The following TSNARE1 variants were observed in gnomAD, a reference collection of about 807,000 sequenced individuals.
TSNARE1 encodes t-SNARE domain-containing protein 1.
A neutral mutation model predicts 62.0 loss-of-function variants in TSNARE1; 49 were observed. The ratio of observed to expected loss-of-function variants is 0.79; its 90% CI spans 0.63 to 1.00. The LOEUF is 1.00. Ranked by LOEUF, TSNARE1 falls within the 50% of genes least tolerant of loss-of-function variation. The pLI, the probability that TSNARE1 is intolerant of heterozygous loss-of-function variation, is 0.00. For synonymous variants in TSNARE1, 328 were observed against 294.4 expected (o/e 1.11, Z -1.17); for missense variants, 755 against 700.1 (o/e 1.08, Z -0.88).
chr8:142,348,794 A>G (rs1833719376), intron 2 of TSNARE1, among the ~76,000 whole-genome samples: 1 of 151,976 alleles, frequency 6.6e-6, no homozygotes, highest in Non-Finnish European at 1.5e-5. Context: ...GTGTGCATGG[A>G]GCTCTGGGGA....
At chr8:142,278,014 C>T (rs1353577529) in intron 11 of TSNARE1, 6 of 985,272 alleles carry the variant, frequency 6.1e-6, no homozygotes, top group Non-Finnish European at 6.0e-6. Flanking sequence ...CTTCAGGAGA[C>T]AATGTGGCCT....
At chr8:142,340,463 GC>G (rs1832428246) in intron 4 of TSNARE1, among the ~76,000 whole-genome samples, 1 of 152,226 alleles carries the variant, frequency 6.6e-6, no homozygotes, top group Non-Finnish European at 1.5e-5. Flanking sequence ...ACTGCCTAGG[GC>G]CAGGGCTCCC....
intron 9 of TSNARE1, among the ~76,000 whole-genome samples, chr8:142,313,412 G>GTC (rs141713769): frequency 0.21 from 31,234 of 149,184 alleles, 3,882 homozygotes; most frequent in African/African-American, 0.35. Context: ...GTGTTTATGT[G>GTC]TCTGTGTGTT....
chr8:142,280,587 CCCT>C (rs1442631106), intron 11 of TSNARE1, among the ~76,000 whole-genome samples: 1 of 152,182 alleles, frequency 6.6e-6, no homozygotes, highest in Non-Finnish European at 1.5e-5. Context: ...TGGTTTGTCC[CCCT>C]CCCCACGACT....
At chr8:142,237,159 C>T (rs537510132) in intron 12 of TSNARE1, among the ~76,000 whole-genome samples, 2 of 152,022 alleles carry the variant, frequency 1.3e-5, no homozygotes, top group East Asian at 1.9e-4. Context: ...TCCCCTCCTG[C>T]GGCCCGACTC....
chr8:142,272,962 C>T, intron 12 of TSNARE1: 7 of 985,450 alleles, frequency 7.1e-6, no homozygotes, highest in Non-Finnish European at 8.4e-6. Context: ...TCATCCCTCC[C>T]TGATACTCCC....
At chr8:142,268,709 C>T (rs2130455225) in intron 12 of TSNARE1, among the ~76,000 whole-genome samples, 2 of 152,340 alleles carry the variant, frequency 1.3e-5, no homozygotes, top group Middle Eastern at 6.8e-3. Flanking sequence ...CAGAGATCTC[C>T]TTCAAGGGAG....
intron 9 of TSNARE1, among the ~76,000 whole-genome samples, chr8:142,312,011 A>G (rs1827694805): frequency 6.6e-6 from 1 of 152,214 alleles, no homozygotes; most frequent in Admixed American, 6.5e-5. Flanking sequence ...CCTCATCCAG[A>G]ATGCTTGGGA....
At chr8:142,353,972 T>C (rs947501704) in intron 2 of TSNARE1, among the ~76,000 whole-genome samples, 3 of 152,024 alleles carry the variant, frequency 2.0e-5, no homozygotes, top group Non-Finnish European at 2.9e-5. Flanking sequence ...ACAACCCTCA[T>C]GGCGGCTGCC....
chr8:142,405,072 G>A (rs1490653254), upstream of TSNARE1: 1 of 152,264 alleles, frequency 6.6e-6, no homozygotes, highest in Non-Finnish European at 1.5e-5. Flanking sequence ...TCCGAAATCT[G>A]GGATGAGCCC....
intron 13 of TSNARE1, among the ~76,000 whole-genome samples, chr8:142,227,141 C>T (rs922125132): frequency 6.7e-6 from 1 of 148,660 alleles, no homozygotes; most frequent in Non-Finnish European, 1.5e-5. Flanking sequence ...ACTGCACCCA[C>T]ACCCCAGTGA....
intron 12 of TSNARE1, among the ~76,000 whole-genome samples, chr8:142,255,305 C>T (rs1435328214): frequency 6.6e-6 from 1 of 151,326 alleles, no homozygotes; most frequent in Non-Finnish European, 1.5e-5. Context: ...CCACCACCAT[C>T]CCTACCAGAC....
chr8:142,381,515 C>G (rs1836747159), intron 1 of TSNARE1, among the ~76,000 whole-genome samples: 1 of 152,104 alleles, frequency 6.6e-6, no homozygotes, highest in East Asian at 1.9e-4. Flanking sequence ...AGGGTGGGCT[C>G]AGGGACGGTG....
chr8:142,318,137 G>A (rs535664904), intron 7 of TSNARE1, among the ~76,000 whole-genome samples: 14 of 152,316 alleles, frequency 9.2e-5, no homozygotes, highest in African/African-American at 3.1e-4. Flanking sequence ...GGGATAGGGA[G>A]GGTGCACGTG....
intron 13 of TSNARE1, among the ~76,000 whole-genome samples, chr8:142,222,683 TCCACTCAC>T (rs1816417539): frequency 3.9e-5 from 1 of 25,936 alleles, no homozygotes; most frequent in Non-Finnish European, 7.2e-5. Context: ...CATCCACTCA[TCCACTCAC>T]TCACTCATCC....
At chr8:142,395,646 C>T (rs1006497894) in intron 1 of TSNARE1, among the ~76,000 whole-genome samples, 6 of 152,208 alleles carry the variant, frequency 3.9e-5, no homozygotes, top group African/African-American at 9.7e-5. Flanking sequence ...CTGTGACCGG[C>T]GAAAACGCCC....
chr8:142,231,062 C>G (rs1298527960), intron 12 of TSNARE1, among the ~76,000 whole-genome samples: 1 of 152,178 alleles, frequency 6.6e-6, no homozygotes, highest in Non-Finnish European at 1.5e-5. Flanking sequence ...CAAACATACA[C>G]CCATTCATCT....
At chr8:142,366,181 C>T (rs1029817603) in intron 1 of TSNARE1, among the ~76,000 whole-genome samples, 1 of 152,094 alleles carries the variant, frequency 6.6e-6, no homozygotes, top group Non-Finnish European at 1.5e-5. Context: ...GGACTACAGG[C>T]ACCCACCACC....
chr8:142,289,104 G>A (rs1036590245), intron 10 of TSNARE1, among the ~76,000 whole-genome samples: 2 of 152,236 alleles, frequency 1.3e-5, no homozygotes, highest in Non-Finnish European at 2.9e-5. Context: ...CTTCCCTGCA[G>A]AAGGGTGAGC....
Sources: gnomAD v4.1 joint callset for allele counts (sites outside exome capture counted in the v4.1 genomes callset) on GRCh38, gnomAD v4.1.1 for gene constraint, MANE v1.5 for transcripts, NCBI Gene and HGNC (gene_info 2026-07-23, HGNC 2026-07-21) for gene names.